Variants in BPTF observed in about 807,000 individuals in gnomAD.
The protein encoded by BPTF is bromodomain PHD finger transcription factor, also known as nucleosome-remodeling factor subunit BPTF.
In BPTF, 18 loss-of-function variants were observed where a neutral mutation model predicts 292.5. The observed-to-expected ratio is 0.06, with a 90% CI of 0.04 to 0.09. The LOEUF is 0.09. Ranked by LOEUF, BPTF falls within the 10% of genes least tolerant of loss-of-function variation. The pLI is 1.00. For missense variants in BPTF, 2,726 were observed against 3,498.7 expected (o/e 0.78, Z 5.57); for synonymous variants, 1,225 against 1,251.9 (o/e 0.98, Z 0.45).
intron 11 of BPTF, among the ~76,000 whole-genome samples, chr17:67,914,982 A>G (rs1389953296): frequency 6.6e-6 from 1 of 152,236 alleles, no homozygotes; most frequent in Admixed American, 6.5e-5. Flanking sequence ...GTAAATATGT[A>G]AATTGATCAT....
At chr17:67,936,075 T>G (rs1301554411) in intron 18 of BPTF, among the ~76,000 whole-genome samples, 3 of 152,338 alleles carry the variant, frequency 2.0e-5, no homozygotes, top group Non-Finnish European at 2.9e-5. Context: ...CAGGTATAGT[T>G]CTTGGAAATG....
chr17:67,849,837 A>G (rs1039478146), intron 1 of BPTF, among the ~76,000 whole-genome samples: 1 of 152,172 alleles, frequency 6.6e-6, no homozygotes, highest in African/African-American at 2.4e-5. Flanking sequence ...GCTACTCGGG[A>G]GGCTGAGGCA....
chr17:67,968,223 T>C (rs2068346894), intron 26 of BPTF, among the ~76,000 whole-genome samples: 1 of 151,416 alleles, frequency 6.6e-6, no homozygotes, highest in African/African-American at 2.5e-5. Context: ...GCATTTTTTT[T>C]AATGAGAAGA....
At position 67,892,042 on chromosome 17, in the gene BPTF, CT is replaced by C; in HGVS notation, c.2055+11del. 1 of 1,531,026 alleles carries C rather than the reference CT, an allele frequency of 6.5e-7. No individual in the cohort carries two copies. Among genetic ancestry groups the C allele is most frequent in the Non-Finnish European group, 8.8e-7 (1 of 1,137,362 alleles). The allele number at this position is 1,531,026 out of a possible 1,614,324, so 94.8% of individuals were successfully genotyped here. On this transcript the variant is annotated intron_variant, in intron 5 of 27. Transcript: ENST00000306378. The stretch of plus-strand genomic sequence containing the variant: ...TTTAAGGAGGGCAAAGAGGTGTGTT[CT>C]TTCTGTTTAAAACAAAAATCTGTGG...
intron 26 of BPTF, among the ~76,000 whole-genome samples, chr17:67,969,407 G>A (rs2068503589): frequency 7.2e-6 from 1 of 138,726 alleles, no homozygotes; most frequent in African/African-American, 2.8e-5. Context: ...AGACAAGATC[G>A]CGCCACTGCA....
intron 23 of BPTF, 49 bp from the exon 24 acceptor site, chr17:67,959,492 A>G (rs782376156): frequency 7.0e-7 from 1 of 1,421,980 alleles, no homozygotes; most frequent in African/African-American, 1.4e-5. Context: ...CAGATCACAC[A>G]TTTACATGAC....
chr17:67,947,063 A>C (rs2065864001), intron 21 of BPTF, among the ~76,000 whole-genome samples: 1 of 152,218 alleles, frequency 6.6e-6, no homozygotes, highest in African/African-American at 2.4e-5. Flanking sequence ...AAACTCACTT[A>C]TCCCTCCTTA....
intron 23 of BPTF, among the ~76,000 whole-genome samples, chr17:67,958,180 T>A (rs1299263605): frequency 6.6e-6 from 1 of 151,110 alleles, no homozygotes; most frequent in African/African-American, 2.4e-5. Context: ...ATACAAAAAT[T>A]AGCTGAGTTT....
rs772494489 is a variant in BPTF, at chr17:67,912,388, G to C, written c.4504G>C (p.Glu1502Gln). 1.3e-5 allele frequency: 21 copies of C among 1,613,970 alleles called. No individual in the cohort carries two copies. The highest frequency in any genetic ancestry group is 2.7e-5 in the African/African-American group (2 of 74,924). Residue 1502 changes from glutamate (E) to glutamine (Q), a missense_variant, in exon 11 of 28, where the codon GAG becomes CAG. This residue lies in a region of BPTF where 713 missense variants were observed against 714.9 expected (regional missense o/e 1.00). Transcript: ENST00000306378. ...TGAAGGTAACTACCGAGATAGCCTT[G>C]AGACCCTGCCATCAACCAAAGAGTC... ...DAEGNYRDSL[E>Q]TLPSTKESDS...
chr17:67,921,661 C>G (rs189863193), intron 13 of BPTF, among the ~76,000 whole-genome samples: 1 of 150,912 alleles, frequency 6.6e-6, no homozygotes, highest in East Asian at 1.9e-4. Context: ...CTTGGGAGTT[C>G]TTCTTGGAGA....
At chr17:67,942,792 T>G (rs1225091796) in intron 19 of BPTF, among the ~76,000 whole-genome samples, 1 of 152,186 alleles carries the variant, frequency 6.6e-6, no homozygotes, top group Admixed American at 6.5e-5. Context: ...ATGAATAGAC[T>G]TCAGCCACAC....
chr17:67,971,934 C>CT (rs2068813398), intron 26 of BPTF, among the ~76,000 whole-genome samples: 1 of 151,826 alleles, frequency 6.6e-6, no homozygotes, highest in African/African-American at 2.4e-5. Flanking sequence ...TTGGAAAACA[C>CT]TGAGTATTAT....
At chr17:67,873,999 G>GATGC (rs1395743478) in intron 3 of BPTF, among the ~76,000 whole-genome samples, 1 of 151,924 alleles carries the variant, frequency 6.6e-6, no homozygotes, top group Non-Finnish European at 1.5e-5. Flanking sequence ...ATGCTGGATG[G>GATGC]ATGGATGGAT....
chr17:67,971,251 G>T (rs1226594916), intron 26 of BPTF, among the ~76,000 whole-genome samples: 2 of 151,998 alleles, frequency 1.3e-5, no homozygotes, highest in East Asian at 3.9e-4. Context: ...GCTAATTTTT[G>T]TATTTTTGGT....
At position 67,945,410 on chromosome 17, in the gene BPTF, T is replaced by C. The variant is rs1555673947; in HGVS notation, c.6702T>C (p.Gly2234=). 6.2e-7 allele frequency: 1 copy of C among 1,610,930 alleles called. No individual in the cohort carries two copies. The highest frequency in any genetic ancestry group is 1.1e-5 in the South Asian group (1 of 90,662). The change falls in exon 21 of 28, where the codon GGT becomes GGC. Residue 2234 remains glycine (G), a splice_region_variant and synonymous_variant. Coordinates refer to ENST00000306378, the MANE Select transcript of BPTF (RefSeq NM_182641.4). ...ATGGTTCATCTTTCCTTTTTACAGG[T>C]ACAGGTGAACAAAGGCAGAGTAAAC... ...TTTTVSTTAA[G]TGEQRQSKLS...
chr17:67,825,977 C>T lies in BPTF; in HGVS notation c.253C>T (p.Pro85Ser). 1.9e-6 allele frequency: 2 copies of T among 1,065,084 alleles called. No homozygotes were observed. Among genetic ancestry groups the T allele is most frequent in the Non-Finnish European group, 2.3e-6 (2 of 882,502 alleles). The allele number at this position is 1,065,084 out of a possible 1,614,324, so 66.0% of individuals were successfully genotyped here. A position where few individuals can be genotyped will look rare whatever the true frequency, so the allele number is the denominator to read the frequency against. The change falls in exon 1 of 28, where the codon CCC (proline) becomes TCC (serine). Residue 85 changes from proline (P) to serine (S), a missense_variant. Around this residue, in one of 22 missense-constraint regions of BPTF, gnomAD observed 103 missense variants for 72.1 expected, o/e 1.43. Transcript: ENST00000306378. ...RKPPPPPPAP[P>S]STSAPGRGGR... ...GCCGCCGCCGCCGCCGCCGGCCCCC[C>T]CCAGCACCAGCGCCCCGGGCCGGGG...
At position 67,934,239 on chromosome 17, in the gene BPTF, C is replaced by T. The variant is rs115773188; in HGVS notation, c.6259+2220C>T. Reference sequence around the variant, plus strand: ...TGTGTTAGGAAATAAAAGACATGACCGGGCGCTGTGGCTCACGCCTATAAT... The same window carrying T: ...TGTGTTAGGAAATAAAAGACATGACTGGGCGCTGTGGCTCACGCCTATAAT... On this transcript the variant is annotated intron_variant, in intron 18 of 27. Coordinates refer to ENST00000306378, the MANE Select transcript of BPTF (RefSeq NM_182641.4). Among the ~76,000 whole-genome samples, 1,263 of 151,872 alleles carry T rather than the reference C, an allele frequency of 8.3e-3. 26 individuals carry two copies. Among genetic ancestry groups the T allele is most frequent in the African/African-American group, 0.029 (1,205 of 41,426 alleles).
intron 1 of BPTF, among the ~76,000 whole-genome samples, chr17:67,840,562 TC>T (rs2057476593): frequency 6.6e-6 from 1 of 151,074 alleles, no homozygotes; most frequent in African/African-American, 2.4e-5. Context: ...CCTCCTCCTT[TC>T]TATTTTTTTA....
chr17:67,881,732 A>G (rs967478530), intron 4 of BPTF, among the ~76,000 whole-genome samples: 1 of 151,380 alleles, frequency 6.6e-6, no homozygotes, highest in African/African-American at 2.4e-5. Context: ...TGAACTTCTG[A>G]CCTTGTGATC....
Sources: allele counts gnomAD v4.1 joint callset (sites outside exome capture counted in the v4.1 genomes callset), GRCh38; gene constraint gnomAD v4.1.1; regional missense constraint gnomAD v4.1.1; transcripts MANE v1.5; gene names NCBI Gene and HGNC (gene_info 2026-07-23, HGNC 2026-07-21).